Variants in C2CD3 observed in about 807,000 individuals in gnomAD.
C2CD3 encodes C2 domain-containing protein 3.
A neutral mutation model predicts 234.0 loss-of-function variants in C2CD3; 148 were observed. That is an observed-to-expected ratio of 0.63 (90% CI 0.55 to 0.72). C2CD3 has a LOEUF of 0.72. Ranked by LOEUF, C2CD3 falls within the 30% of genes least tolerant of loss-of-function variation. The probability of loss-of-function intolerance (pLI) is 0.00; values close to 1 mark genes in which losing one functional copy is unlikely to be tolerated. For missense variants in C2CD3, 2,577 were observed against 2,811.5 expected, an observed-to-expected ratio of 0.92 and a Z score of 1.89; for synonymous variants, 1,000 against 1,035.4, an observed-to-expected ratio of 0.97 and a Z score of 0.66.
chr11:74,131,815 G>A (rs1050318205), intron 7 of C2CD3, among the ~76,000 whole-genome samples: 11 of 151,944 alleles, frequency 7.2e-5, no homozygotes, highest in Non-Finnish European at 1.0e-4. Context: ...CTGGTGATCC[G>A]CCCACCTTGG....
At position 74,013,460 on chromosome 11, in the gene C2CD3, G is replaced by A; in HGVS notation, c.6987C>T (p.Leu2329=). ...QRPCRPRPNS[L]PLNLPEEETL... ...TTTCTTCCTCAGGCAGGTTGAGGGG[G>A]AGCGAGTTAGGTCTGGGGCGACAAG... The change falls in exon 33 of 33, where the codon CTC becomes CTT. Residue 2329 remains leucine (L), a synonymous_variant. Coordinates refer to ENST00000334126, the MANE Select transcript of C2CD3 (RefSeq NM_001286577.2). 7.0e-7 allele frequency: 1 copy of A among 1,432,988 alleles called. No individual in the cohort carries two copies. 88.8% of individuals were successfully genotyped at this position (1,432,988 alleles called of 1,614,324 possible).
At chr11:74,134,966 C>T (rs1049146562) in intron 5 of C2CD3, among the ~76,000 whole-genome samples, 1 of 152,120 alleles carries the variant, frequency 6.6e-6, no homozygotes, top group Admixed American at 6.5e-5. Context: ...CTCAAGCTAT[C>T]TTCCTGCCCC....
chr11:74,129,285 G>A (rs1326366713), intron 7 of C2CD3: 12 of 176,702 alleles, frequency 6.8e-5, no homozygotes, highest in Non-Finnish European at 3.5e-5. Context: ...CAGACGGGGC[G>A]GCTGCTGGGC....
intron 24 of C2CD3, among the ~76,000 whole-genome samples, chr11:74,067,032 A>G (rs997551321): frequency 6.6e-6 from 1 of 152,208 alleles, no homozygotes; most frequent in Non-Finnish European, 1.5e-5. Flanking sequence ...TTGTATCTGA[A>G]ATGTATAAAT....
intron 19 of C2CD3, among the ~76,000 whole-genome samples, chr11:74,092,060 AT>A (rs967073569): frequency 1.4e-3 from 214 of 148,214 alleles, no homozygotes; most frequent in African/African-American, 4.7e-3. Flanking sequence ...ATATATATAT[AT>A]TTTTTTTTTG....
intron 9 of C2CD3, among the ~76,000 whole-genome samples, chr11:74,116,180 AACAG>A (rs1956921171): frequency 6.6e-6 from 1 of 152,224 alleles, no homozygotes; most frequent in East Asian, 1.9e-4. Flanking sequence ...CGGCAGAGTA[AACAG>A]ACAACCCACA....
At chr11:74,114,151 C>G (rs1006204380) in intron 10 of C2CD3, among the ~76,000 whole-genome samples, 1 of 152,154 alleles carries the variant, frequency 6.6e-6, no homozygotes, top group African/African-American at 2.4e-5. Context: ...AAATGTTTCT[C>G]TCTCCTGCTA....
chr11:74,033,532 C>T lies in C2CD3; in HGVS notation c.6628G>A (p.Glu2210Lys). 1 of 1,536,176 alleles carries T rather than the reference C, an allele frequency of 6.5e-7. No individual in the cohort carries two copies. The highest frequency in any genetic ancestry group is 8.7e-7 in the Non-Finnish European group (1 of 1,146,922). Reference sequence around the variant, plus strand: ...AGCTCACTGGTGGCAGCTTCATTCTCAGCTGGGGCCTCTGACTTGGGCTCC... The same window carrying T: ...AGCTCACTGGTGGCAGCTTCATTCTTAGCTGGGGCCTCTGACTTGGGCTCC... Reference protein sequence around the residue: ...NKEPKSEAPAENEAATSELGD... With the variant: ...NKEPKSEAPAKNEAATSELGD... The change falls in exon 31 of 33, where the codon GAG (glutamate) becomes AAG (lysine). Residue 2210 changes from glutamate (E) to lysine (K), a missense_variant. Glu to Lys is a moderately conservative substitution (Grantham distance 56). Coordinates refer to ENST00000334126, the MANE Select transcript of C2CD3 (RefSeq NM_001286577.2).
At chr11:74,062,826 C>A (rs570784194) in intron 24 of C2CD3, among the ~76,000 whole-genome samples, 128 of 149,700 alleles carry the variant, frequency 8.6e-4, no homozygotes, top group Non-Finnish European at 1.1e-3. Context: ...AAAAAAAAAA[C>A]CAATGAATCC....
chr11:74,024,738 C>T (rs1952221112), intron 32 of C2CD3, among the ~76,000 whole-genome samples: 1 of 152,100 alleles, frequency 6.6e-6, no homozygotes, highest in Non-Finnish European at 1.5e-5. Context: ...CATACATGAT[C>T]TTATTTCTTA....
chr11:74,035,316 C>G (rs138554726), intron 30 of C2CD3, among the ~76,000 whole-genome samples: 12 of 152,334 alleles, frequency 7.9e-5, no homozygotes, highest in African/African-American at 2.6e-4. Context: ...TTGGCCTGAA[C>G]ATGCTTTCTG....
Position 74,168,387 on chromosome 11 carries a change from G to A in C2CD3, c.282C>T (p.Tyr94=), listed in dbSNP as rs780700994. The A allele has an allele frequency of 8.7e-6, 14 of 1,613,730 alleles. No homozygotes were observed. Among genetic ancestry groups the A allele is most frequent in the East Asian group, 2.2e-5 (1 of 44,892 alleles). The change falls in exon 2 of 33, where the codon TAC becomes TAT. Residue 94 remains tyrosine, a synonymous_variant. Transcript: ENST00000334126. ...EPKAVRTTTR[Y]AIRCGPKQFT... ...ACTGTTTTGGACCACAACGAATAGC[G>A]TAACGTGTAGTTGTTCTCACAGCTT... is the stretch of plus-strand genomic sequence containing the variant.
At chr11:74,098,527 CA>C (rs1433365541) in intron 15 of C2CD3, among the ~76,000 whole-genome samples, 1 of 152,154 alleles carries the variant, frequency 6.6e-6, no homozygotes, top group Non-Finnish European at 1.5e-5. Flanking sequence ...GTGATTTGAA[CA>C]GTATCTCATG....
intron 8 of C2CD3, among the ~76,000 whole-genome samples, chr11:74,122,517 G>C (rs990164119): frequency 1.3e-5 from 2 of 152,166 alleles, no homozygotes; most frequent in Non-Finnish European, 2.9e-5. Flanking sequence ...AAGAGCATAA[G>C]GCTTGATAGA....
At chr11:74,017,465 A>G (rs1353667876) in intron 32 of C2CD3, among the ~76,000 whole-genome samples, 4 of 152,234 alleles carry the variant, frequency 2.6e-5, no homozygotes, top group South Asian at 2.1e-4. Flanking sequence ...AGAGCCTTCA[A>G]TGCTAAAGAT....
At chr11:74,146,246 C>T (rs762576184) in intron 3 of C2CD3, among the ~76,000 whole-genome samples, 7 of 152,054 alleles carry the variant, frequency 4.6e-5, no homozygotes, top group Non-Finnish European at 8.8e-5. Context: ...TTAGTGAATG[C>T]AGCAGAATTT....
intron 3 of C2CD3, among the ~76,000 whole-genome samples, chr11:74,151,305 C>CTTTCTTTATTTATTTATTTA (rs1855637337): frequency 7.5e-6 from 1 of 133,292 alleles, no homozygotes; most frequent in African/African-American, 2.7e-5. Context: ...ATCCAACACT[C>CTTTCTTTATTTATTTATTTA]TTTATTTATT....
intron 13 of C2CD3, among the ~76,000 whole-genome samples, chr11:74,104,087 C>T (rs765628846): frequency 2.0e-5 from 3 of 152,092 alleles, no homozygotes; most frequent in South Asian, 2.1e-4. Context: ...GCAAAAGAGA[C>T]GGTAGAGTTA....
chr11:74,116,872 ATGTATATATACACACG>A (rs1173139836), intron 9 of C2CD3, among the ~76,000 whole-genome samples: 18 of 135,108 alleles, frequency 1.3e-4, no homozygotes, highest in African/African-American at 1.9e-4. Context: ...ACACGTGTAT[ATGTATATATACACACG>A]TGTATATATA....
Sources: gnomAD v4.1 joint callset for allele counts (sites outside exome capture counted in the v4.1 genomes callset) on GRCh38, gnomAD v4.1.1 for gene constraint, MANE v1.5 for transcripts, NCBI Gene and HGNC (gene_info 2026-07-23, HGNC 2026-07-21) for gene names.